The following UBR1 variants were observed in gnomAD, a reference collection of about 807,000 sequenced individuals.
The protein encoded by UBR1 is ubiquitin protein ligase E3 component n-recognin 1, also known as E3 ubiquitin-protein ligase UBR1.
A neutral mutation model predicts 242.1 loss-of-function variants in UBR1; 102 were observed. The observed-to-expected ratio is 0.42, with a 90% CI of 0.36 to 0.50. UBR1 has a LOEUF of 0.50. Ranked by LOEUF, UBR1 falls within the 20% of genes least tolerant of loss-of-function variation. The pLI is 0.01. For missense variants in UBR1, 1,772 were observed against 2,101.8 expected (o/e 0.84, Z 3.07); for synonymous variants, 675 against 684.8 (o/e 0.99, Z 0.22).
At chr15:42,946,187 C>T (rs371958510) in intron 46 of UBR1, among the ~76,000 whole-genome samples, 3 of 151,936 alleles carry the variant, frequency 2.0e-5, no homozygotes, top group African/African-American at 7.3e-5. Context: ...TGCCGTGGTA[C>T]GATCACGGCT....
intron 27 of UBR1, among the ~76,000 whole-genome samples, chr15:43,020,843 T>C (rs537238742): frequency 4.6e-5 from 7 of 152,358 alleles, no homozygotes; most frequent in African/African-American, 1.7e-4. Flanking sequence ...GTCATTAAGG[T>C]CTTAGCTCTA....
chr15:43,040,516 T>C (rs867200943), intron 15 of UBR1, among the ~76,000 whole-genome samples: 13 of 152,140 alleles, frequency 8.5e-5, no homozygotes, highest in African/African-American at 3.1e-4. Context: ...ACCTAGGCAA[T>C]ACCATTCAGG....
intron 2 of UBR1, among the ~76,000 whole-genome samples, chr15:43,084,944 T>A (rs2034016961): frequency 6.6e-6 from 1 of 152,222 alleles, no homozygotes; most frequent in African/African-American, 2.4e-5. Context: ...AAATTTCAAA[T>A]TTCAGGCAGA....
chr15:43,063,125 T>C (rs59913051), intron 6 of UBR1, among the ~76,000 whole-genome samples: 1,993 of 152,298 alleles, frequency 0.013, 39 homozygotes, highest in African/African-American at 0.046. Context: ...TTAAAAAGCT[T>C]TTCTTGCAAT....
intron 3 of UBR1, among the ~76,000 whole-genome samples, chr15:43,076,757 C>T (rs2033903981): frequency 3.5e-5 from 5 of 144,032 alleles, no homozygotes; most frequent in South Asian, 4.6e-4. Context: ...GCAGCCACCG[C>T]GTCCGGGAGG....
intron 38 of UBR1, among the ~76,000 whole-genome samples, chr15:42,977,274 C>G (rs994271476): frequency 6.6e-6 from 1 of 152,140 alleles, no homozygotes; most frequent in Admixed American, 6.5e-5. Flanking sequence ...AAAAGACAGT[C>G]AGGGTTGATG....
chr15:43,046,529 A>G (rs1020998529), intron 14 of UBR1, among the ~76,000 whole-genome samples: 3 of 152,236 alleles, frequency 2.0e-5, no homozygotes, highest in Non-Finnish European at 4.4e-5. Context: ...AGGTAGAGTC[A>G]TTAGACTTAG....
intron 3 of UBR1, among the ~76,000 whole-genome samples, chr15:43,075,679 G>T (rs1241761611): frequency 6.6e-6 from 1 of 151,012 alleles, no homozygotes; most frequent in East Asian, 1.9e-4. Context: ...GCAATGGCGT[G>T]ATCTTGGCTC....
chr15:43,017,723 T>C (rs62020739), intron 27 of UBR1, among the ~76,000 whole-genome samples: 103 of 151,118 alleles, frequency 6.8e-4, no homozygotes, highest in Non-Finnish European at 9.3e-4. Flanking sequence ...GGCAGGAGAA[T>C]CGCTTGAACC....
At chr15:42,969,384 T>C (rs997211778) in intron 40 of UBR1, among the ~76,000 whole-genome samples, 3 of 152,214 alleles carry the variant, frequency 2.0e-5, no homozygotes, top group African/African-American at 7.2e-5. Flanking sequence ...TCTTGTAAAT[T>C]TGTTTAAGTT....
chr15:43,080,139 A>G (rs1034526710), intron 3 of UBR1, among the ~76,000 whole-genome samples: 6 of 152,254 alleles, frequency 3.9e-5, no homozygotes, highest in African/African-American at 1.4e-4. Context: ...CTACTGCCGT[A>G]TTGCAGAAGC....
chr15:42,965,102 G>C (rs1016025182), intron 41 of UBR1, among the ~76,000 whole-genome samples: 3 of 152,146 alleles, frequency 2.0e-5, no homozygotes, highest in African/African-American at 7.2e-5. Context: ...CAACAGATCT[G>C]TGCTGGCAAT....
At chr15:42,971,445 G>GT (rs2032206215) in intron 39 of UBR1, among the ~76,000 whole-genome samples, 1 of 152,170 alleles carries the variant, frequency 6.6e-6, no homozygotes, top group Non-Finnish European at 1.5e-5. Context: ...CAGAAATATT[G>GT]TATTAAACTT....
chr15:43,076,093 G>A lies in UBR1; in HGVS notation c.418-1004C>T, dbSNP rs556934216. 3.1e-4 allele frequency among the ~76,000 whole-genome samples: 47 copies of A among 151,300 alleles called. No homozygotes were observed. The East Asian group carries it at 9.0e-3, about 29-fold the overall frequency. ...CTCCCCGCCTGATTCTCCTGCCTCAGCCTGCAGAGTGCCTGCGATTGCAGG... is the reference window on the plus strand; with the variant it reads ...CTCCCCGCCTGATTCTCCTGCCTCAACCTGCAGAGTGCCTGCGATTGCAGG... On this transcript the variant is annotated intron_variant, in intron 3 of 46. Coordinates refer to ENST00000290650, the MANE Select transcript of UBR1 (RefSeq NM_174916.3).
At chr15:42,995,212 T>C (rs1421173782) in intron 33 of UBR1, among the ~76,000 whole-genome samples, 1 of 152,216 alleles carries the variant, frequency 6.6e-6, no homozygotes, top group African/African-American at 2.4e-5. Context: ...TAAGGCTGAA[T>C]TTTTGAGACC....
chr15:42,948,588 AC>A (rs1379961748), intron 46 of UBR1, among the ~76,000 whole-genome samples: 2 of 150,632 alleles, frequency 1.3e-5, no homozygotes, highest in African/African-American at 2.4e-5. Flanking sequence ...TTTACAAGAA[AC>A]AAACAAACAA....
Position 42,991,883 on chromosome 15 carries a change from C to T in UBR1, c.3758-1763G>A, listed in dbSNP as rs140876231. Among the ~76,000 whole-genome samples the T allele has an allele frequency of 2.6e-4, 39 of 152,256 alleles. 1 individual carries two copies. In the East Asian group the frequency reaches 7.5e-3, roughly 29 times the overall value. On this transcript the variant is annotated intron_variant, in intron 33 of 46. Transcript: ENST00000290650. ...CCTCCCAAGTACCTAGGACTATAGGCACACACCACCAAACAGAGCTAATTT... is the reference window on the plus strand; with the variant it reads ...CCTCCCAAGTACCTAGGACTATAGGTACACACCACCAAACAGAGCTAATTT...
chr15:43,064,148 T>C (rs1411602375), intron 6 of UBR1, among the ~76,000 whole-genome samples: 2 of 152,232 alleles, frequency 1.3e-5, no homozygotes, highest in African/African-American at 2.4e-5. Context: ...TTTAGTGAAC[T>C]CATTTAGAGT....
At chr15:43,002,869 C>G (rs949246374) in intron 31 of UBR1, among the ~76,000 whole-genome samples, 165 bp from the exon 32 acceptor site, 26 of 152,270 alleles carry the variant, frequency 1.7e-4, no homozygotes, top group African/African-American at 5.3e-4. Context: ...ATAGAAGAAA[C>G]AGGTTGCCCA....
Sources: allele counts gnomAD v4.1 joint callset (sites outside exome capture counted in the v4.1 genomes callset), GRCh38; gene constraint gnomAD v4.1.1; transcripts MANE v1.5; gene names NCBI Gene and HGNC (gene_info 2026-07-23, HGNC 2026-07-21).